NCLN: variants seen among roughly 807,000 people sequenced by gnomAD.
NCLN encodes nicalin.
A neutral mutation model predicts 69.5 loss-of-function variants in NCLN; 34 were observed. The ratio of observed to expected loss-of-function variants is 0.49; its 90% confidence interval spans 0.37 to 0.65. The LOEUF is 0.65. Ranked by LOEUF, NCLN falls within the 30% of genes least tolerant of loss-of-function variation. NCLN has a pLI of 0.00. For missense variants in NCLN, 710 were observed against 804.8 expected (o/e 0.88, Z 1.42); for synonymous variants, 393 against 358.3 (o/e 1.10, Z -1.09).
intron 5 of NCLN, among the ~76,000 whole-genome samples, chr19:3,200,669 G>A (rs1466996519): frequency 6.6e-6 from 1 of 152,022 alleles, no homozygotes; most frequent in African/African-American, 2.4e-5. Context: ...GCGTACGAGT[G>A]GGTTTTAGTA....
rs762841027 is a variant in NCLN, at chr19:3,203,861, G to A, written c.889+17G>A. Reference sequence around the variant, plus strand: ...ACCACACAGGTGAGCGGCCCCGGGTGGGGGTGGGGGTGCCGCGGTGGTGGT... The same window carrying A: ...ACCACACAGGTGAGCGGCCCCGGGTAGGGGTGGGGGTGCCGCGGTGGTGGT... On this transcript the variant is annotated intron_variant, in intron 7 of 14. Coordinates refer to ENST00000246117, the MANE Select transcript of NCLN (RefSeq NM_020170.4). The A allele has an allele frequency of 5.6e-6, 9 of 1,608,574 alleles. No individual in the cohort carries two copies. In the African/African-American group the frequency reaches 8.0e-5, roughly 14 times the overall value.
intron 1 of NCLN, among the ~76,000 whole-genome samples, chr19:3,190,075 G>A (rs569324389): frequency 2.6e-5 from 4 of 152,346 alleles, no homozygotes; most frequent in East Asian, 3.9e-4. Flanking sequence ...CTCATCTCCC[G>A]GCCCCAAAGG....
At chr19:3,197,314 TC>T (rs1453414923) in intron 4 of NCLN, among the ~76,000 whole-genome samples, 2 of 152,330 alleles carry the variant, frequency 1.3e-5, no homozygotes, top group African/African-American at 4.8e-5. Flanking sequence ...GGCTTTGAGT[TC>T]AGCCGTTGAA....
At chr19:3,200,029 C>G (rs1916085084) in intron 5 of NCLN, among the ~76,000 whole-genome samples, 1 of 151,844 alleles carries the variant, frequency 6.6e-6, no homozygotes, top group Non-Finnish European at 1.5e-5. Context: ...ATCAGCTGAA[C>G]CAGGCAGAGT....
intron 1 of NCLN, among the ~76,000 whole-genome samples, chr19:3,191,675 G>C (rs974405560): frequency 5.3e-5 from 8 of 152,202 alleles, no homozygotes; most frequent in Non-Finnish European, 1.0e-4. Context: ...CTATTTAAGA[G>C]TTTTGTTGGC....
chr19:3,188,690 G>A (rs1404776159), intron 1 of NCLN, among the ~76,000 whole-genome samples: 1 of 152,210 alleles, frequency 6.6e-6, no homozygotes, highest in Non-Finnish European at 1.5e-5. Flanking sequence ...TAGTGAGGAA[G>A]CTGGACGCAG....
chr19:3,206,083 G>A lies in NCLN; in HGVS notation c.1296+57G>A, dbSNP rs1055236438. ...CAGCCCCAGCCCTGCCCCCGGCCCC[G>A]GCCCCACCCCTGGCCCCAGCCCCAC... On this transcript the variant is annotated intron_variant, in intron 10 of 14. Transcript: ENST00000246117. 52 of 1,504,830 alleles carry A rather than the reference G, an allele frequency of 3.5e-5. No individual in the cohort carries two copies. The African/African-American group carries it at 3.8e-4, about 11-fold the overall frequency. The allele number at this position is 1,504,830 out of a possible 1,614,324, so 93.2% of individuals were successfully genotyped here. A position where few individuals can be genotyped will look rare whatever the true frequency, so the allele number is the denominator to read the frequency against.
At chr19:3,202,721 G>A (rs1403574310) in intron 6 of NCLN, among the ~76,000 whole-genome samples, 1 of 151,930 alleles carries the variant, frequency 6.6e-6, no homozygotes, top group Non-Finnish European at 1.5e-5. Context: ...TAGGATTACA[G>A]GTGTGAGCCA....
At chr19:3,204,259 C>CG in intron 8 of NCLN, 115 bp downstream of exon 8, 1 of 1,267,366 alleles carries the variant, frequency 7.9e-7, no homozygotes, top group African/African-American at 1.5e-5. Flanking sequence ...GCTCTGAGGG[C>CG]CACACTGTGT....
At chr19:3,186,448 C>G (rs1404907005) in intron 1 of NCLN, among the ~76,000 whole-genome samples, 1 of 152,182 alleles carries the variant, frequency 6.6e-6, no homozygotes, top group Non-Finnish European at 1.5e-5. Flanking sequence ...CGGCCCCTGC[C>G]TAGGTCTCCC....
chr19:3,207,165 G>A (rs753735679), intron 12 of NCLN, 33 bp from the exon 13 acceptor site: 2 of 1,612,406 alleles, frequency 1.2e-6, no homozygotes, highest in Admixed American at 1.7e-5. Context: ...GCTGGGCGCA[G>A]TGGTGCCCCC....
intron 5 of NCLN, among the ~76,000 whole-genome samples, chr19:3,199,960 A>T (rs1166606150): frequency 6.6e-6 from 1 of 151,958 alleles, no homozygotes; most frequent in African/African-American, 2.4e-5. Flanking sequence ...TCAGCCTCCC[A>T]AAGTGCTCGG....
intron 1 of NCLN, among the ~76,000 whole-genome samples, chr19:3,190,658 C>T (rs968460770): frequency 2.6e-5 from 4 of 152,178 alleles, no homozygotes; most frequent in Admixed American, 2.6e-4. Context: ...CCCACGGGGA[C>T]GCTGGAGTCG....
chr19:3,197,610 CT>C (rs1916000164), intron 4 of NCLN, among the ~76,000 whole-genome samples: 1 of 142,484 alleles, frequency 7.0e-6, no homozygotes, highest in South Asian at 2.3e-4. Context: ...CCCAGCTAAT[CT>C]TTTGTAATTC....
At chr19:3,197,245 C>T (rs1010741937) in intron 4 of NCLN, among the ~76,000 whole-genome samples, 2 of 152,208 alleles carry the variant, frequency 1.3e-5, no homozygotes, top group Non-Finnish European at 2.9e-5. Flanking sequence ...GGGGCCATGT[C>T]GATTCCCTTT....
At chr19:3,186,472 A>G (rs1416874580) in intron 1 of NCLN, among the ~76,000 whole-genome samples, 1 of 151,390 alleles carries the variant, frequency 6.6e-6, no homozygotes, top group East Asian at 2.0e-4. Flanking sequence ...CCCGGAACCC[A>G]TGGCCGGGCC....
intron 12 of NCLN, 58 bp from the exon 13 acceptor site, chr19:3,207,140 C>G: frequency 1.9e-6 from 3 of 1,599,572 alleles, no homozygotes. Context: ...TCTACAAACC[C>G]TTTTTTAAGA....
At chr19:3,189,546 C>T (rs1441580202) in intron 1 of NCLN, among the ~76,000 whole-genome samples, 8 of 152,234 alleles carry the variant, frequency 5.3e-5, no homozygotes, top group Admixed American at 5.2e-4. Flanking sequence ...AGACAGGTGC[C>T]CAGGCCACTG....
Position 3,209,245 on chromosome 19 carries a change from GA to G in NCLN, c.*1558del, listed in dbSNP as rs1172158225. The stretch of plus-strand genomic sequence containing the variant: ...CCCTCTTTCCTCCAGGTTGGCAGGG[GA>G]CCCTCTTCTCCCGTCTGCCCTGCGG... On this transcript the variant is annotated 3_prime_UTR_variant, in exon 15 of 15. Transcript: ENST00000246117. 2 of 152,428 alleles carry G rather than the reference GA, an allele frequency of 1.3e-5. No homozygotes were observed. Among genetic ancestry groups the G allele is most frequent in the East Asian group, 3.9e-4 (2 of 5,170 alleles). The allele number at this position is 152,428 out of a possible 1,614,324, so 9.4% of individuals were successfully genotyped here. A position where few individuals can be genotyped will look rare whatever the true frequency, so the allele number is the denominator to read the frequency against.
Sources: allele counts gnomAD v4.1 joint callset (sites outside exome capture counted in the v4.1 genomes callset), GRCh38; gene constraint gnomAD v4.1.1; transcripts MANE v1.5; gene names NCBI Gene and HGNC (gene_info 2026-07-23, HGNC 2026-07-21).